Variants in MAP3K7CL observed in about 807,000 individuals in gnomAD.
MAP3K7CL encodes MAP3K7 C-terminal-like protein.
MAP3K7CL carries 16 observed loss-of-function variants against 18.6 expected under a neutral mutation model. The observed-to-expected ratio is 0.86, with a 90% CI of 0.58 to 1.31. The LOEUF (loss-of-function observed/expected upper bound fraction) is 1.31, where lower values mean the gene tolerates loss of function less well. MAP3K7CL is among the 50% of genes most tolerant of loss of function. The pLI is 0.00. For missense variants in MAP3K7CL, 163 were observed against 174.4 expected (o/e 0.93, Z 0.37); for synonymous variants, 65 against 66.8 (o/e 0.97, Z 0.13).
chr21:29,154,450 A>G (rs2087352065), intron 3 of MAP3K7CL, among the ~76,000 whole-genome samples: 4 of 150,892 alleles, frequency 2.7e-5, no homozygotes, highest in African/African-American at 9.7e-5. Context: ...AAGTCCTCCT[A>G]TCTAATCTGA....
At chr21:29,169,503 G>A (rs182523679) in intron 4 of MAP3K7CL, among the ~76,000 whole-genome samples, 31 of 152,222 alleles carry the variant, frequency 2.0e-4, no homozygotes, top group African/African-American at 7.5e-4. Flanking sequence ...CAACAATACA[G>A]TCTAAATCCC....
At chr21:29,173,332 A>G (rs1376225471) in intron 4 of MAP3K7CL, among the ~76,000 whole-genome samples, 1 of 151,896 alleles carries the variant, frequency 6.6e-6, no homozygotes, top group African/African-American at 2.4e-5. Context: ...ATCTTCTTTT[A>G]ATTAGCCTCC....
At chr21:29,149,772 AT>A (rs1464838949) in intron 3 of MAP3K7CL, among the ~76,000 whole-genome samples, 4 of 152,238 alleles carry the variant, frequency 2.6e-5, no homozygotes, top group Non-Finnish European at 5.9e-5. Flanking sequence ...TATTTTGTAT[AT>A]GTAGTTTCTG....
intron 1 of MAP3K7CL, among the ~76,000 whole-genome samples, chr21:29,078,492 A>G (rs2085785151): frequency 6.6e-6 from 1 of 152,218 alleles, no homozygotes; most frequent in Non-Finnish European, 1.5e-5. Context: ...AACGTGGCTT[A>G]GGGTGAAAGC....
chr21:29,164,357 C>A (rs1018704850), intron 4 of MAP3K7CL, among the ~76,000 whole-genome samples: 3 of 152,152 alleles, frequency 2.0e-5, no homozygotes, highest in African/African-American at 7.2e-5. Flanking sequence ...TTGAGAATTT[C>A]TTTCTCATTA....
At chr21:29,163,362 A>T (rs1457062841) in intron 4 of MAP3K7CL, among the ~76,000 whole-genome samples, 1 of 151,942 alleles carries the variant, frequency 6.6e-6, no homozygotes, top group Admixed American at 6.6e-5. Context: ...TTATATATAT[A>T]TTTTCTTTTT....
intron 4 of MAP3K7CL, among the ~76,000 whole-genome samples, chr21:29,105,769 C>T (rs192201284): frequency 1.2e-3 from 177 of 152,252 alleles, no homozygotes; most frequent in Middle Eastern, 6.8e-3. Flanking sequence ...TTTTAAATCA[C>T]CTCCCCACAT....
At position 29,149,205 on chromosome 21, in the gene MAP3K7CL, A is replaced by G. The variant is rs1262536324; in HGVS notation, c.87A>G (p.Glu29=). Residue 29 remains glutamate (E), a synonymous_variant, in exon 3 of 5, where the codon GAA becomes GAG. Coordinates refer to ENST00000399928, the MANE Select transcript of MAP3K7CL (RefSeq NM_001286620.2). ...TTGTTTTAGATGATACACCCCCTGA[A>G]GACTCCATTCCTTTGGTCTTTCCAG... ...LNDASDDTPP[E]DSIPLVFPEL... The G allele has an allele frequency of 1.9e-6, 3 of 1,613,970 alleles. No homozygotes were observed. The highest frequency in any genetic ancestry group is 2.5e-6 in the Non-Finnish European group (3 of 1,179,816).
At chr21:29,166,596 C>T (rs1033545265) in intron 4 of MAP3K7CL, among the ~76,000 whole-genome samples, 1 of 152,196 alleles carries the variant, frequency 6.6e-6, no homozygotes, top group African/African-American at 2.4e-5. Context: ...AACCAATAAT[C>T]TACTTTCTGT....
At chr21:29,159,141 G>A (rs530700171) in intron 3 of MAP3K7CL, among the ~76,000 whole-genome samples, 3 of 152,204 alleles carry the variant, frequency 2.0e-5, no homozygotes, top group South Asian at 2.1e-4. Context: ...GGCTGGTCTC[G>A]AATGCCTGGC....
At chr21:29,172,008 ATG>A (rs35828398) in intron 4 of MAP3K7CL, among the ~76,000 whole-genome samples, 55,966 of 151,344 alleles carry the variant, frequency 0.37, 12,566 homozygotes, top group Non-Finnish European at 0.5. Context: ...GTATGCATAT[ATG>A]TGTGTCATCA....
At chr21:29,170,292 G>A (rs1239957040) in intron 4 of MAP3K7CL, among the ~76,000 whole-genome samples, 1 of 152,002 alleles carries the variant, frequency 6.6e-6, no homozygotes, top group Non-Finnish European at 1.5e-5. Flanking sequence ...GAGTCTTCTG[G>A]GTTCCAGTAA....
At chr21:29,109,412 G>A in intron 4 of MAP3K7CL, 1 of 1,318,548 alleles carries the variant, frequency 7.6e-7, no homozygotes, top group Non-Finnish European at 9.7e-7. Context: ...TGCTCAGCCA[G>A]GAGGTGTTAA....
upstream of MAP3K7CL, among the ~76,000 whole-genome samples, chr21:29,129,136 CT>C (rs2086732802): frequency 1.3e-5 from 2 of 152,272 alleles, no homozygotes; most frequent in South Asian, 4.1e-4. Context: ...CCTCTAACCC[CT>C]AATTAACATC....
At chr21:29,081,041 A>G (rs2085826710), upstream of MAP3K7CL, among the ~76,000 whole-genome samples, 1 of 152,150 alleles carries the variant, frequency 6.6e-6, no homozygotes, top group Non-Finnish European at 1.5e-5. Flanking sequence ...GGCAGTTAGA[A>G]TTGAATATCA....
chr21:29,147,781 A>G (rs1458539908), intron 2 of MAP3K7CL, among the ~76,000 whole-genome samples: 1 of 151,248 alleles, frequency 6.6e-6, no homozygotes, highest in East Asian at 2.0e-4. Context: ...TACTGTATAT[A>G]TCTAACTGTA....
upstream of MAP3K7CL, chr21:29,130,601 C>T: frequency 1.0e-6 from 1 of 985,450 alleles, no homozygotes. Flanking sequence ...ATGCCTCTGA[C>T]AGGAGGAGGG....
At chr21:29,091,406 A>C in intron 1 of MAP3K7CL, 1 of 589,796 alleles carries the variant, frequency 1.7e-6, no homozygotes, top group Admixed American at 3.2e-5. Flanking sequence ...CCTCCATCAC[A>C]AAATGAGGTA....
upstream of MAP3K7CL, among the ~76,000 whole-genome samples, chr21:29,126,756 G>T (rs2086688350): frequency 2.6e-5 from 4 of 152,152 alleles, no homozygotes; most frequent in Admixed American, 1.3e-4. Flanking sequence ...ACCGTGCCTG[G>T]CTCACAAGTG....
Sources: gnomAD v4.1 joint callset for allele counts (sites outside exome capture counted in the v4.1 genomes callset) on GRCh38, gnomAD v4.1.1 for gene constraint, MANE v1.5 for transcripts, NCBI Gene and HGNC (gene_info 2026-07-23, HGNC 2026-07-21) for gene names.